UNC80: variants seen among roughly 807,000 people sequenced by gnomAD.
UNC80 encodes unc-80 subunit of NALCN channel complex.
In UNC80, 164 loss-of-function variants were observed where a neutral mutation model predicts 384.6. The observed-to-expected ratio is 0.43, with a 90% confidence interval of 0.38 to 0.49. The LOEUF is 0.49. Ranked by LOEUF, UNC80 falls within the 20% of genes least tolerant of loss-of-function variation. UNC80 has a pLI of 0.00. For synonymous variants in UNC80, 1,486 were observed against 1,527.8 expected (o/e 0.97, Z 0.64); for missense variants, 3,330 against 4,143.0 (o/e 0.80, Z 5.39).
At chr2:209,808,450 C>T (rs2079053198) in intron 7 of UNC80, among the ~76,000 whole-genome samples, 1 of 150,870 alleles carries the variant, frequency 6.6e-6, no homozygotes, top group Non-Finnish European at 1.5e-5. Context: ...GTAATCTCAG[C>T]TACTCAGGAG....
chr2:209,937,595 C>A lies in UNC80; in HGVS notation c.6430C>A (p.His2144Asn), dbSNP rs1458439589. The A allele has an allele frequency of 6.4e-7, 1 of 1,551,828 alleles. No individual in the cohort carries two copies. The highest frequency in any genetic ancestry group is 1.2e-5 in the South Asian group (1 of 84,040). The change falls in exon 42 of 65, where the codon CAT becomes AAT. Residue 2144 changes from histidine (H) to asparagine (N), a missense_variant. Physicochemically the swap from His to Asn is moderately conservative, Grantham distance 68. Transcript: ENST00000673920. ...TCCCCAGCTGAATCTTGTACATATG[C>A]ATCCAGAGAAGGGACAGGAGCTCAT... is the stretch of plus-strand genomic sequence containing the variant. ...VSPQLNLVHM[H>N]PEKGQELIQK...
At chr2:209,906,430 A>T (rs1248569584) in intron 29 of UNC80, among the ~76,000 whole-genome samples, 1 of 152,168 alleles carries the variant, frequency 6.6e-6, no homozygotes, top group Non-Finnish European at 1.5e-5. Context: ...AAGTAAGTAC[A>T]TTTCATTGAC....
intron 36 of UNC80, among the ~76,000 whole-genome samples, chr2:209,927,543 A>C (rs1575044331): frequency 6.6e-6 from 1 of 152,262 alleles, no homozygotes; most frequent in Non-Finnish European, 1.5e-5. Context: ...TCCAATGGCC[A>C]GTAACACCTG....
At position 209,888,270 on chromosome 2, in the gene UNC80, C is replaced by T; in HGVS notation, c.4276+10C>T. On this transcript the variant is annotated intron_variant, in intron 26 of 64. Coordinates refer to ENST00000673920, the MANE Select transcript of UNC80 (RefSeq NM_001371986.1). ...GTCGAGGAGAAGAAAGGTATGGAAA[C>T]ACAAAGGTTCCTTCATGTTTCAGGG... is the stretch of plus-strand genomic sequence containing the variant. 6.4e-7 allele frequency: 1 copy of T among 1,551,304 alleles called. No homozygotes were observed. The highest frequency in any genetic ancestry group is 8.7e-7 in the Non-Finnish European group (1 of 1,146,750).
chr2:209,919,323 A>G (rs1190900339), intron 33 of UNC80, among the ~76,000 whole-genome samples: 2 of 152,212 alleles, frequency 1.3e-5, no homozygotes, highest in Non-Finnish European at 2.9e-5. Context: ...AAGCAAAAAT[A>G]GAAAAAAGAA....
At chr2:209,828,497 T>C (rs1449131242) in intron 14 of UNC80, among the ~76,000 whole-genome samples, 2 of 152,160 alleles carry the variant, frequency 1.3e-5, no homozygotes, top group Non-Finnish European at 2.9e-5. Context: ...TTTCAGTCTT[T>C]TATAATCTTT....
chr2:209,882,058 C>T (rs2085341738), intron 25 of UNC80, among the ~76,000 whole-genome samples: 1 of 150,446 alleles, frequency 6.6e-6, no homozygotes, highest in Non-Finnish European at 1.5e-5. Context: ...GCTCTGCCTT[C>T]CCAGTTCACA....
chr2:209,969,941 C>G, intron 53 of UNC80, 50 bp downstream of exon 53: 1 of 1,540,304 alleles, frequency 6.5e-7, no homozygotes, highest in Non-Finnish European at 8.8e-7. Flanking sequence ...TGTAACTCTG[C>G]TATTGACTTC....
chr2:209,970,188 C>T (rs981553652), intron 53 of UNC80: 1 of 351,666 alleles, frequency 2.8e-6, no homozygotes, highest in East Asian at 5.3e-5. Flanking sequence ...AGTGGGGTGG[C>T]GGAGCCTGCA....
intron 17 of UNC80, 139 bp from the exon 18 acceptor site, chr2:209,834,770 AAAC>A (rs1335801519): frequency 1.3e-5 from 8 of 610,448 alleles, no homozygotes; most frequent in Non-Finnish European, 2.3e-5. Context: ...TATAAATTCT[AAAC>A]AACATAGACT....
chr2:209,894,514 C>G, intron 27 of UNC80, 148 bp downstream of exon 27: 1 of 322,148 alleles, frequency 3.1e-6, no homozygotes, highest in Non-Finnish European at 4.5e-6. Flanking sequence ...GAAAACCATA[C>G]TACCCTTGGT....
At chr2:209,865,483 T>C (rs2083671030) in intron 22 of UNC80, among the ~76,000 whole-genome samples, 1 of 151,234 alleles carries the variant, frequency 6.6e-6, no homozygotes, top group Non-Finnish European at 1.5e-5. Flanking sequence ...ACGCCTGTAG[T>C]CCCAGCTCCT....
intron 7 of UNC80, among the ~76,000 whole-genome samples, chr2:209,803,467 G>T (rs911862334): frequency 2.0e-5 from 3 of 152,136 alleles, no homozygotes; most frequent in Admixed American, 6.5e-5. Context: ...ATAACAATAA[G>T]AACTACCTTT....
chr2:209,858,231 A>G (rs946832396), intron 22 of UNC80, among the ~76,000 whole-genome samples: 1 of 152,332 alleles, frequency 6.6e-6, no homozygotes, highest in South Asian at 2.1e-4. Flanking sequence ...TGAACCATTT[A>G]TTACTATCAA....
At chr2:209,914,294 T>A (rs2089273310) in intron 31 of UNC80, among the ~76,000 whole-genome samples, 1 of 152,226 alleles carries the variant, frequency 6.6e-6, no homozygotes, top group South Asian at 2.1e-4. Context: ...ATTTACTTTA[T>A]CAAATCTTAT....
chr2:209,813,864 T>A, intron 8 of UNC80, 23 bp downstream of exon 8: 2 of 1,546,610 alleles, frequency 1.3e-6, no homozygotes, highest in Non-Finnish European at 1.7e-6. Flanking sequence ...CGGTTCATTG[T>A]CATTCAAACC....
At chr2:209,881,511 T>C (rs138398084) in intron 25 of UNC80, among the ~76,000 whole-genome samples, 2 of 152,310 alleles carry the variant, frequency 1.3e-5, no homozygotes, top group African/African-American at 2.4e-5. Context: ...TTTCAAATTA[T>C]GGTTGAAAGT....
rs2092999238 is a variant in UNC80, at chr2:209,975,854, A to T, written c.8588-265A>T. On this transcript the variant is annotated intron_variant, in intron 56 of 64. Coordinates refer to ENST00000673920, the MANE Select transcript of UNC80 (RefSeq NM_001371986.1). ...TCAATTCAGTGGACCACATTGCTCT[A>T]TATTTTCCAAGATAGTAGTTCTTAA... is the stretch of plus-strand genomic sequence containing the variant. 2.0e-5 allele frequency among the ~76,000 whole-genome samples: 3 copies of T among 152,178 alleles called. No individual in the cohort carries two copies. The South Asian group carries it at 6.2e-4, about 31-fold the overall frequency.
chr2:209,827,666 G>A (rs2080641990), intron 14 of UNC80, among the ~76,000 whole-genome samples: 2 of 152,084 alleles, frequency 1.3e-5, no homozygotes, highest in Non-Finnish European at 2.9e-5. Context: ...ATAAATATGG[G>A]AAATTTTCCT....
Sources: gnomAD v4.1 joint callset for allele counts (sites outside exome capture counted in the v4.1 genomes callset) on GRCh38, gnomAD v4.1.1 for gene constraint, MANE v1.5 for transcripts, NCBI Gene and HGNC (gene_info 2026-07-23, HGNC 2026-07-21) for gene names.